Variants in RORA observed in about 807,000 individuals in gnomAD.
The protein encoded by RORA is nuclear receptor ROR-alpha.
A neutral mutation model predicts 69.5 loss-of-function variants in RORA; 7 were observed. The observed-to-expected ratio is 0.10, with a 90% CI of 0.06 to 0.19. The LOEUF is 0.19. RORA is among the 10% of genes least tolerant of loss of function. RORA has a pLI of 1.00. For synonymous variants in RORA, 261 were observed against 240.8 expected (o/e 1.08, Z -0.78); for missense variants, 457 against 663.0 (o/e 0.69, Z 3.41).
At chr15:60,941,344 A>G (rs1023223199) in intron 1 of RORA, among the ~76,000 whole-genome samples, 7 of 152,156 alleles carry the variant, frequency 4.6e-5, no homozygotes, top group African/African-American at 7.2e-5. Context: ...AAATGATACA[A>G]CTGTGCCAGT....
At chr15:60,800,415 C>T (rs1187250531) in intron 1 of RORA, among the ~76,000 whole-genome samples, 1 of 152,178 alleles carries the variant, frequency 6.6e-6, no homozygotes, top group Non-Finnish European at 1.5e-5. Flanking sequence ...TAATTTAAAA[C>T]AAAATTTCGT....
intron 1 of RORA, among the ~76,000 whole-genome samples, chr15:60,817,497 A>G (rs1567201337): frequency 6.6e-6 from 1 of 152,220 alleles, no homozygotes; most frequent in Non-Finnish European, 1.5e-5. Context: ...TGTATATAAT[A>G]CATTACTATT....
At position 61,116,807 on chromosome 15, in the gene RORA, GA is replaced by G. The variant is rs563001651; in HGVS notation, c.166+112245del. 5.3e-5 allele frequency among the ~76,000 whole-genome samples: 8 copies of G among 152,180 alleles called. No homozygotes were observed. The South Asian group carries it at 1.7e-3, about 32-fold the overall frequency. On this transcript the variant is annotated intron_variant, in intron 1 of 10. Coordinates refer to ENST00000335670, the MANE Select transcript of RORA (RefSeq NM_134261.3). ...GCCTCAGATTCCACATTTGTAAATAGAAAAAATATAACTAAATGGCTCCTAG... is the reference window on the plus strand; with the variant it reads ...GCCTCAGATTCCACATTTGTAAATAGAAAAATATAACTAAATGGCTCCTAG...
chr15:60,860,629 G>T (rs1567216996), intron 1 of RORA, among the ~76,000 whole-genome samples: 2 of 152,184 alleles, frequency 1.3e-5, no homozygotes, highest in Admixed American at 1.3e-4. Context: ...CCAAGAAAGT[G>T]AAACAAAAAT....
intron 3 of RORA, among the ~76,000 whole-genome samples, chr15:60,523,022 G>C (rs941317674): frequency 2.2e-5 from 3 of 133,710 alleles, no homozygotes; most frequent in African/African-American, 5.1e-5. Flanking sequence ...TGGGCAACAG[G>C]GCGAGACTCT....
chr15:61,189,175 T>G (rs968564384), intron 1 of RORA, among the ~76,000 whole-genome samples: 3 of 152,202 alleles, frequency 2.0e-5, no homozygotes, highest in Admixed American at 6.5e-5. Context: ...CCCCTTAGTG[T>G]TTAACACAGT....
intron 1 of RORA, among the ~76,000 whole-genome samples, chr15:61,110,702 T>G (rs147712448): frequency 6.6e-6 from 1 of 152,164 alleles, no homozygotes; most frequent in Non-Finnish European, 1.5e-5. Context: ...CTGATGGTCA[T>G]AGAGTCATCC....
intron 2 of RORA, among the ~76,000 whole-genome samples, chr15:60,651,165 A>G (rs906993837): frequency 1.3e-5 from 2 of 152,178 alleles, no homozygotes; most frequent in Non-Finnish European, 2.9e-5. Flanking sequence ...GGTTGTTACT[A>G]TGTCCCCATC....
intron 1 of RORA, among the ~76,000 whole-genome samples, chr15:61,177,739 T>A (rs541502971): frequency 6.6e-6 from 1 of 152,114 alleles, no homozygotes; most frequent in Non-Finnish European, 1.5e-5. Context: ...GGCAGGCAGA[T>A]CTCTTGAGGT....
chr15:60,921,423 T>TA (rs1892044051), intron 1 of RORA, among the ~76,000 whole-genome samples: 1 of 152,184 alleles, frequency 6.6e-6, no homozygotes, highest in Non-Finnish European at 1.5e-5. Context: ...AAGCCGTCCA[T>TA]AAAAGAGTAC....
At chr15:60,902,117 G>C (rs148432545) in intron 1 of RORA, among the ~76,000 whole-genome samples, 1 of 152,234 alleles carries the variant, frequency 6.6e-6, no homozygotes, top group East Asian at 1.9e-4. Flanking sequence ...AATATGACTT[G>C]TTTTAATACA....
At chr15:60,928,159 G>A (rs1453498083) in intron 1 of RORA, among the ~76,000 whole-genome samples, 1 of 152,090 alleles carries the variant, frequency 6.6e-6, no homozygotes, top group African/African-American at 2.4e-5. Flanking sequence ...CCCTTTAAAT[G>A]TTCCTCATAG....
intron 1 of RORA, among the ~76,000 whole-genome samples, chr15:61,069,778 T>C (rs536992436): frequency 2.6e-5 from 4 of 152,264 alleles, no homozygotes; most frequent in African/African-American, 9.6e-5. Flanking sequence ...CTTGAAATTT[T>C]AGGGATTTTC....
At chr15:61,010,008 C>T (rs768769669) in intron 1 of RORA, among the ~76,000 whole-genome samples, 4 of 152,126 alleles carry the variant, frequency 2.6e-5, no homozygotes, top group Non-Finnish European at 5.9e-5. Context: ...TTCTTCTTTG[C>T]CCCCAACTGT....
intron 1 of RORA, among the ~76,000 whole-genome samples, chr15:60,748,251 T>C (rs2071675494): frequency 6.7e-6 from 1 of 149,118 alleles, no homozygotes; most frequent in Non-Finnish European, 1.5e-5. Context: ...CTATATCATA[T>C]AGTTTACATA....
At chr15:60,914,619 T>C (rs1891816765) in intron 1 of RORA, among the ~76,000 whole-genome samples, 1 of 152,202 alleles carries the variant, frequency 6.6e-6, no homozygotes, top group Non-Finnish European at 1.5e-5. Flanking sequence ...TTCTTTCCCA[T>C]GTTTTTTTTC....
chr15:61,151,272 G>A (rs1378161242), intron 1 of RORA, among the ~76,000 whole-genome samples: 4 of 152,168 alleles, frequency 2.6e-5, no homozygotes, highest in Admixed American at 2.6e-4. Flanking sequence ...TTAGGCAATA[G>A]AGCCAGGCCT....
At position 60,520,726 on chromosome 15, in the gene RORA, T is replaced by TA. The variant is rs954144090; in HGVS notation, c.283-5970dup. Among the ~76,000 whole-genome samples the TA allele has an allele frequency of 1.9e-4, 28 of 150,942 alleles. No homozygotes were observed. In the South Asian group the frequency reaches 4.6e-3, roughly 25 times the overall value. On this transcript the variant is annotated intron_variant, in intron 3 of 10. Transcript: ENST00000335670. ...AGTTTTGGGTGGAACTGAGGAGGCG[T>TA]AAAAAAAAAGTGCTGAAGTTGTGAG...
In RORA at chr15:61,131,539, CT is replaced by C. The variant is rs553362229; in HGVS notation, c.166+97513del. On this transcript the variant is annotated intron_variant, in intron 1 of 10. Transcript: ENST00000335670. The surrounding 1 kb of genome is among the most constrained non-coding windows in gnomAD (Gnocchi z 4.2). The stretch of plus-strand genomic sequence containing the variant: ...AATTATAGGGGACTTTGGCCATCCA[CT>C]GGAAAACTGGAGGAACTGGGATCTA... Among the ~76,000 whole-genome samples, 31 of 152,130 alleles carry C rather than the reference CT, an allele frequency of 2.0e-4. No homozygotes were observed. Among genetic ancestry groups the C allele is most frequent in the Non-Finnish European group, 3.7e-4 (25 of 68,022 alleles).
Sources: gnomAD v4.1 joint callset for allele counts (sites outside exome capture counted in the v4.1 genomes callset) on GRCh38, gnomAD v4.1.1 for gene constraint, Gnocchi (gnomAD v3.1) non-coding constraint, MANE v1.5 for transcripts, NCBI Gene and HGNC (gene_info 2026-07-23, HGNC 2026-07-21) for gene names.